BBS9: variants seen among roughly 807,000 people sequenced by gnomAD.
BBS9 encodes protein PTHB1.
In BBS9, 89 loss-of-function variants were observed where a neutral mutation model predicts 117.7. That is an observed-to-expected ratio of 0.76 (90% CI 0.64 to 0.90). The LOEUF (loss-of-function observed/expected upper bound fraction) is 0.90, where lower values mean the gene tolerates loss of function less well. BBS9 is among the 40% of genes least tolerant of loss of function. The pLI is 0.00. For missense variants in BBS9, 982 were observed against 1,042.2 expected (o/e 0.94, Z 0.80); for synonymous variants, 379 against 370.9 (o/e 1.02, Z -0.25).
intron 17 of BBS9, among the ~76,000 whole-genome samples, chr7:33,379,382 G>C (rs1342651603): frequency 6.6e-6 from 1 of 151,998 alleles, no homozygotes; most frequent in Non-Finnish European, 1.5e-5. Flanking sequence ...TAGTTGAATG[G>C]AATAAATTCC....
At chr7:33,441,830 A>T (rs1836239897) in intron 19 of BBS9, among the ~76,000 whole-genome samples, 1 of 151,702 alleles carries the variant, frequency 6.6e-6, no homozygotes, top group Non-Finnish European at 1.5e-5. Flanking sequence ...TTCCTTTTAT[A>T]GGTTATCTCA....
At chr7:33,411,463 G>C (rs1831128792) in intron 19 of BBS9, among the ~76,000 whole-genome samples, 1 of 152,110 alleles carries the variant, frequency 6.6e-6, no homozygotes, top group South Asian at 2.1e-4. Context: ...TTGCAAGACT[G>C]TCTTCTTGAA....
chr7:33,528,330 T>TTTTG (rs139460908), intron 20 of BBS9, among the ~76,000 whole-genome samples: 17,365 of 152,054 alleles, frequency 0.11, 1,057 homozygotes, highest in African/African-American at 0.15. Flanking sequence ...TCTCGTGGTT[T>TTTTG]TTTGTTTGTT....
chr7:33,541,306 C>T (rs1242728150), intron 21 of BBS9, among the ~76,000 whole-genome samples: 1 of 152,158 alleles, frequency 6.6e-6, no homozygotes, highest in African/African-American at 2.4e-5. Flanking sequence ...TCTTACTCTC[C>T]ATATTCAGCC....
chr7:33,494,777 C>T (rs1014447836), intron 19 of BBS9, among the ~76,000 whole-genome samples: 33 of 152,222 alleles, frequency 2.2e-4, no homozygotes, highest in African/African-American at 7.7e-4. Flanking sequence ...AAAATAGTCT[C>T]TGACCTGGGG....
intron 19 of BBS9, among the ~76,000 whole-genome samples, chr7:33,424,038 T>TA (rs1318935625): frequency 6.6e-6 from 1 of 152,214 alleles, no homozygotes; most frequent in Non-Finnish European, 1.5e-5. Flanking sequence ...CCACCAGCAA[T>TA]ACAGTCTGTC....
intron 19 of BBS9, among the ~76,000 whole-genome samples, chr7:33,478,627 T>A (rs1479158439): frequency 6.6e-6 from 1 of 152,174 alleles, no homozygotes; most frequent in African/African-American, 2.4e-5. Flanking sequence ...TTTGCTCTAG[T>A]CAAAACAATC....
intron 20 of BBS9, among the ~76,000 whole-genome samples, chr7:33,513,961 T>C (rs1272891637): frequency 2.6e-5 from 4 of 152,218 alleles, no homozygotes; most frequent in Admixed American, 2.0e-4. Flanking sequence ...ATCTTGTACT[T>C]GGCATCAGTC....
intron 19 of BBS9, among the ~76,000 whole-genome samples, chr7:33,441,838 T>G (rs1836240799): frequency 6.6e-6 from 1 of 151,908 alleles, no homozygotes; most frequent in Admixed American, 6.6e-5. Flanking sequence ...ATAGGTTATC[T>G]CAAAGATTGC....
chr7:33,534,384 A>G (rs913963808), intron 21 of BBS9: 5 of 613,688 alleles, frequency 8.1e-6, no homozygotes, highest in Middle Eastern at 4.3e-4. Context: ...CCAGAATGGT[A>G]TGTCTTTTTT....
At chr7:33,258,056 A>G in intron 6 of BBS9, among the ~76,000 whole-genome samples, 1 of 152,304 alleles carries the variant, frequency 6.6e-6, no homozygotes, top group South Asian at 2.1e-4. Flanking sequence ...TCCACCAGCT[A>G]GATTTAAATA....
intron 21 of BBS9, among the ~76,000 whole-genome samples, chr7:33,579,160 A>G (rs926289044): frequency 2.6e-5 from 4 of 152,162 alleles, no homozygotes; most frequent in African/African-American, 9.7e-5. Context: ...AAAGTGGGAA[A>G]TTTTTGAAGG....
intron 19 of BBS9, among the ~76,000 whole-genome samples, chr7:33,490,784 A>G (rs1843785453): frequency 6.6e-6 from 1 of 152,226 alleles, no homozygotes; most frequent in South Asian, 2.1e-4. Context: ...CAGAATGCAT[A>G]GTTTCTTTCA....
Position 33,264,125 on chromosome 7 carries a change from A to G in BBS9, c.618-165A>G, listed in dbSNP as rs895709963. Among the ~76,000 whole-genome samples the G allele has an allele frequency of 2.6e-5, 4 of 152,216 alleles. No individual in the cohort carries two copies. The East Asian group carries it at 7.7e-4, about 29-fold the overall frequency. On this transcript the variant is annotated intron_variant, in intron 6 of 22. Transcript: ENST00000242067. ...ATGACATTTTACACAGTTTTATGTC[A>G]CAATATCACTCAATAAGAATTCAAT...
chr7:33,293,462 A>AGAAAT (rs1804507136), intron 9 of BBS9, among the ~76,000 whole-genome samples: 1 of 152,086 alleles, frequency 6.6e-6, no homozygotes, highest in Non-Finnish European at 1.5e-5. Context: ...ATGGATTTCT[A>AGAAAT]CCTAGGAGGC....
chr7:33,432,703 C>T (rs527924915), intron 19 of BBS9, among the ~76,000 whole-genome samples: 2 of 151,802 alleles, frequency 1.3e-5, no homozygotes, highest in South Asian at 4.2e-4. Flanking sequence ...ATTTGAAATC[C>T]AAACTATATC....
chr7:33,314,535 T>C (rs1483968532), intron 9 of BBS9: 1 of 176,044 alleles, frequency 5.7e-6, no homozygotes, highest in East Asian at 1.6e-4. Context: ...AGGGTTCCAT[T>C]TGAACTATTA....
At chr7:33,385,324 T>A (rs1004760288) in intron 18 of BBS9, among the ~76,000 whole-genome samples, 1 of 152,222 alleles carries the variant, frequency 6.6e-6, no homozygotes, top group African/African-American at 2.4e-5. Flanking sequence ...GGCGTTGTTA[T>A]GCTTCCTTTG....
chr7:33,336,048 C>T (rs1044074238), intron 9 of BBS9, among the ~76,000 whole-genome samples: 1 of 152,108 alleles, frequency 6.6e-6, no homozygotes, highest in Non-Finnish European at 1.5e-5. Context: ...AGCCAGCAGC[C>T]CCGCTCCATC....
Sources: allele counts gnomAD v4.1 joint callset (sites outside exome capture counted in the v4.1 genomes callset), GRCh38; gene constraint gnomAD v4.1.1; transcripts MANE v1.5; gene names NCBI Gene and HGNC (gene_info 2026-07-23, HGNC 2026-07-21).